RIMKLA: variants seen among roughly 807,000 people sequenced by gnomAD.
RIMKLA encodes ribosomal modification protein rimK like family member A.
Under a neutral mutation model 32.7 loss-of-function variants are expected in RIMKLA, and 14 were observed. The observed-to-expected ratio is 0.43, with a 90% CI of 0.28 to 0.67. The LOEUF (loss-of-function observed/expected upper bound fraction) is 0.67. Ranked by LOEUF, RIMKLA falls within the 30% of genes least tolerant of loss-of-function variation. RIMKLA has a pLI of 0.18. For synonymous variants in RIMKLA, 176 were observed against 204.1 expected, an observed-to-expected ratio of 0.86 and a Z score of 1.18; for missense variants, 410 against 519.0, an observed-to-expected ratio of 0.79 and a Z score of 2.04.
At chr1:42,412,616 A>G in intron 4 of RIMKLA, 1 of 511,336 alleles carries the variant, frequency 2.0e-6, no homozygotes. Context: ...GGTTCACAAC[A>G]ATTTTCCCAG....
chr1:42,414,532 C>T lies in RIMKLA; in HGVS notation c.734C>T (p.Ala245Val), dbSNP rs1643228839. ...CPLTEQGKQL[A>V]IQVSNILGMD... The stretch of plus-strand genomic sequence containing the variant: ...CTGACAGAACAAGGCAAGCAGTTGG[C>T]TATTCAGGTGTCCAACATCCTAGGC... Residue 245 changes from alanine to valine, a missense_variant, in exon 5 of 5, where the codon GCT (alanine) becomes GTT (valine). Coordinates refer to ENST00000431473, the MANE Select transcript of RIMKLA (RefSeq NM_173642.4). 2 of 1,614,192 alleles carry T rather than the reference C, an allele frequency of 1.2e-6. No homozygotes were observed. The highest frequency in any genetic ancestry group is 8.5e-7 in the Non-Finnish European group (1 of 1,180,002).
intron 2 of RIMKLA, among the ~76,000 whole-genome samples, chr1:42,400,244 A>G (rs12568476): frequency 0.18 from 27,437 of 152,100 alleles, 2,574 homozygotes; most frequent in East Asian, 0.22. Context: ...AGGCTGGGAA[A>G]ATAAGAGGGC....
intron 2 of RIMKLA, among the ~76,000 whole-genome samples, chr1:42,400,861 A>C (rs1439440896): frequency 1.3e-5 from 2 of 152,158 alleles, no homozygotes; most frequent in Non-Finnish European, 2.9e-5. Flanking sequence ...AATGGATGAG[A>C]GTACTCAGGG....
chr1:42,396,686 A>G (rs903140109), intron 1 of RIMKLA, among the ~76,000 whole-genome samples: 1 of 152,130 alleles, frequency 6.6e-6, no homozygotes, highest in East Asian at 1.9e-4. Context: ...TCTCTAGGTC[A>G]TGTTTCTGTT....
intron 1 of RIMKLA, among the ~76,000 whole-genome samples, chr1:42,383,106 A>C (rs1226978887): frequency 2.0e-5 from 3 of 151,720 alleles, no homozygotes; most frequent in Non-Finnish European, 4.4e-5. Flanking sequence ...GGCTGGTCTC[A>C]AACTCCTGAC....
chr1:42,393,654 C>T (rs1045299777), intron 1 of RIMKLA, among the ~76,000 whole-genome samples: 1 of 152,062 alleles, frequency 6.6e-6, no homozygotes, highest in Non-Finnish European at 1.5e-5. Context: ...CGAGAAAATG[C>T]TGTGGGTGGA....
rs1346789530 is a variant in RIMKLA at position 42,380,823 on chromosome 1, A to G, written c.-112A>G. ...ACGCCTGGCGCACCCGCGGGAGCGG[A>G]GCCGTGGCGCGCTCGCCCCGGACGC... On this transcript the variant is annotated 5_prime_UTR_variant, in exon 1 of 5. Transcript: ENST00000431473. 6 of 532,940 alleles carry G rather than the reference A, an allele frequency of 1.1e-5. No individual in the cohort carries two copies. Among genetic ancestry groups the G allele is most frequent in the African/African-American group, 1.0e-4 (5 of 48,750 alleles). 33.0% of individuals were successfully genotyped at this position (532,940 alleles called of 1,614,324 possible).
chr1:42,391,866 T>C (rs1643002587), intron 1 of RIMKLA, among the ~76,000 whole-genome samples: 1 of 152,142 alleles, frequency 6.6e-6, no homozygotes. Context: ...TTCCATTTTA[T>C]AGAAGAGGAG....
intron 2 of RIMKLA, among the ~76,000 whole-genome samples, chr1:42,402,134 T>C (rs1643103138): frequency 6.6e-6 from 1 of 152,166 alleles, no homozygotes; most frequent in African/African-American, 2.4e-5. Context: ...ATTAGCACTC[T>C]TGTGAACTAG....
Position 42,421,881 on chromosome 1 carries a change from G to A in RIMKLA, c.*6907G>A, listed in dbSNP as rs1305408851. ...ATTTTACTATTATCTATGTTCTTGA[G>A]GATACTGACATCTATTGTATTGGTA... On this transcript the variant is annotated 3_prime_UTR_variant, in exon 5 of 5. Coordinates refer to ENST00000431473, the MANE Select transcript of RIMKLA (RefSeq NM_173642.4). This position sits in a 1 kb window ranked among gnomAD's most constrained non-coding sequence, Gnocchi z 4.6. The A allele has an allele frequency of 6.6e-6, 1 of 152,162 alleles. No homozygotes were observed. Among genetic ancestry groups the A allele is most frequent in the Non-Finnish European group, 1.5e-5 (1 of 68,034 alleles). The allele number at this position is 152,162 out of a possible 1,614,324, so 9.4% of individuals were successfully genotyped here.
At chr1:42,404,319 T>G (rs2148391777) in intron 2 of RIMKLA, among the ~76,000 whole-genome samples, 192 bp from the exon 3 acceptor site, 1 of 152,354 alleles carries the variant, frequency 6.6e-6, no homozygotes, top group Middle Eastern at 3.4e-3. Flanking sequence ...TAAATGTTGG[T>G]TTCCTTACCT....
In RIMKLA at chr1:42,418,542, G is replaced by T. The variant is rs1643270040; in HGVS notation, c.*3568G>T. 6.6e-6 allele frequency: 1 copy of T among 152,152 alleles called. No individual in the cohort carries two copies. Among genetic ancestry groups the T allele is most frequent in the Non-Finnish European group, 1.5e-5 (1 of 68,034 alleles). 9.4% of individuals were successfully genotyped at this position (152,152 alleles called of 1,614,324 possible). A position where few individuals can be genotyped will look rare whatever the true frequency, so the allele number is the denominator to read the frequency against. On this transcript the variant is annotated 3_prime_UTR_variant, in exon 5 of 5. Transcript: ENST00000431473. ...GATGATTTGGAATTCTAGTAGGAAG[G>T]AGGAAAAAATGGCTCTTCTGTGGGC... is the stretch of plus-strand genomic sequence containing the variant.
chr1:42,396,039 AG>A (rs1396391262), intron 1 of RIMKLA, among the ~76,000 whole-genome samples: 2 of 152,060 alleles, frequency 1.3e-5, no homozygotes, highest in Non-Finnish European at 2.9e-5. Flanking sequence ...TCAAGAGACC[AG>A]CCTGGCCAAC....
chr1:42,413,130 T>C (rs867201293), intron 4 of RIMKLA, among the ~76,000 whole-genome samples: 78 of 150,100 alleles, frequency 5.2e-4, no homozygotes, highest in Middle Eastern at 6.9e-3. Flanking sequence ...TGAGACTCTG[T>C]CTCAAATAAA....
chr1:42,398,685 A>G (rs544919867), intron 1 of RIMKLA, among the ~76,000 whole-genome samples: 73 of 152,300 alleles, frequency 4.8e-4, no homozygotes, highest in African/African-American at 1.8e-3. Flanking sequence ...AAATGGTTGC[A>G]TAGCTCAGCG....
In RIMKLA at chr1:42,409,995, T is replaced by A; in HGVS notation, c.493T>A (p.Phe165Ile). 1 of 1,614,090 alleles carries A rather than the reference T, an allele frequency of 6.2e-7. No homozygotes were observed. The highest frequency in any genetic ancestry group is 8.5e-7 in the Non-Finnish European group (1 of 1,179,952). The change falls in exon 4 of 5, where the codon TTT (phenylalanine) becomes ATT (isoleucine). Residue 165 changes from phenylalanine (F) to isoleucine (I), a missense_variant. Phe to Ile is a conservative substitution (Grantham distance 21). Transcript: ENST00000431473. ...STRGHRGKAV[F>I]LARDKHHLSD... ...TTTTCTTCTTAAAGGAAAAGCTGTTTTTCTGGCAAGAGATAAACATCACCT... is the reference window on the plus strand; with the variant it reads ...TTTTCTTCTTAAAGGAAAAGCTGTTATTCTGGCAAGAGATAAACATCACCT...
rs185643836 is a variant in RIMKLA at position 42,414,593 on chromosome 1, C to T, written c.795C>T (p.Asp265=). ...DFCGIDLLIM[D]DGSFVVCEAN... The stretch of plus-strand genomic sequence containing the variant: ...GTGGCATTGATCTCCTTATCATGGA[C>T]GATGGCTCCTTTGTGGTGTGTGAGG... Residue 265 remains aspartate, a synonymous_variant, in exon 5 of 5, where the codon GAC becomes GAT. Transcript: ENST00000431473. 71 of 1,614,232 alleles carry T rather than the reference C, an allele frequency of 4.4e-5. No homozygotes were observed. The Admixed American group carries it at 5.3e-4, about 12-fold the overall frequency.
At chr1:42,384,549 A>G (rs531727681) in intron 1 of RIMKLA, among the ~76,000 whole-genome samples, 13 of 145,194 alleles carry the variant, frequency 9.0e-5, no homozygotes, top group African/African-American at 3.4e-4. Flanking sequence ...ATGTATATAT[A>G]TGTGTGTATA....
At chr1:42,385,830 T>TCCTTCCTTCCTTCCTTTCTCTCTCTC (rs1557749857) in intron 1 of RIMKLA, among the ~76,000 whole-genome samples, 1 of 74,216 alleles carries the variant, frequency 1.3e-5, no homozygotes, top group African/African-American at 4.4e-5. Context: ...CTTCCTTCCT[T>TCCTTCCTTCCTTCCTTTCTCTCTCTC]TCTTTCTTTC....
Sources: allele counts gnomAD v4.1 joint callset (sites outside exome capture counted in the v4.1 genomes callset), GRCh38; gene constraint gnomAD v4.1.1; non-coding constraint Gnocchi (gnomAD v3.1); transcripts MANE v1.5; gene names NCBI Gene and HGNC (gene_info 2026-07-23, HGNC 2026-07-21).